The following PVT1 variants were observed in gnomAD, a reference collection of about 807,000 sequenced individuals.
The protein encoded by PVT1 is CXCR4/PVT1 fusion.
At chr8:127,899,100 C>G (rs1373092848) in intron 3 of PVT1, among the ~76,000 whole-genome samples, 1 of 152,172 alleles carries the variant, frequency 6.6e-6, no homozygotes, top group Admixed American at 6.5e-5. Flanking sequence ...CTGGGGGGCC[C>G]CAGAAGCTTC....
At chr8:128,084,783 G>A (rs562856413) in intron 5 of PVT1, among the ~76,000 whole-genome samples, 1 of 152,334 alleles carries the variant, frequency 6.6e-6, no homozygotes, top group South Asian at 2.1e-4. Context: ...TGGGAGCAAT[G>A]CTGGACCAGT....
chr8:128,072,535 C>T (rs1814010333), intron 5 of PVT1, among the ~76,000 whole-genome samples: 1 of 152,196 alleles, frequency 6.6e-6, no homozygotes, highest in South Asian at 2.1e-4. Context: ...TATTATGTGT[C>T]TCATCTCAGT....
chr8:127,914,740 T>C (rs1426285364), intron 3 of PVT1, among the ~76,000 whole-genome samples: 1 of 151,958 alleles, frequency 6.6e-6, no homozygotes, highest in Non-Finnish European at 1.5e-5. Context: ...AGCAAAATTA[T>C]ATAGACAGAA....
intron 2 of PVT1, among the ~76,000 whole-genome samples, chr8:127,877,866 C>G (rs1163702891): frequency 2.6e-5 from 4 of 152,118 alleles, no homozygotes; most frequent in Admixed American, 6.5e-5. Flanking sequence ...TTTGAGGCTG[C>G]AGTGAGCCAT....
chr8:127,866,499 C>A (rs1398051425), intron 2 of PVT1, among the ~76,000 whole-genome samples: 1 of 152,144 alleles, frequency 6.6e-6, no homozygotes, highest in East Asian at 1.9e-4. Context: ...CCCTCCCACT[C>A]CCTCTCCTTC....
At chr8:128,040,960 TTTGTGTGCATATGTTTGTGTGTGC>T (rs1813524594) in intron 4 of PVT1, among the ~76,000 whole-genome samples, 1 of 151,476 alleles carries the variant, frequency 6.6e-6, no homozygotes, top group South Asian at 2.1e-4. Flanking sequence ...CTTGGGTGTG[TTTGTGTGCATATGTTTGTGTGTGC>T]TTGTGTGTGT....
intron 3 of PVT1, among the ~76,000 whole-genome samples, chr8:127,970,659 G>A (rs1398353530): frequency 6.6e-6 from 1 of 152,024 alleles, no homozygotes; most frequent in African/African-American, 2.4e-5. Flanking sequence ...CAGGTGCCAG[G>A]GGGAAGACTT....
At chr8:128,015,416 C>T (rs1251113525) in intron 4 of PVT1, among the ~76,000 whole-genome samples, 2 of 152,072 alleles carry the variant, frequency 1.3e-5, no homozygotes, top group African/African-American at 4.8e-5. Flanking sequence ...GTTAGAGTAA[C>T]TCTAGATGAC....
chr8:128,052,565 A>G (rs1296896779), intron 4 of PVT1, among the ~76,000 whole-genome samples: 1 of 152,176 alleles, frequency 6.6e-6, no homozygotes, highest in African/African-American at 2.4e-5. Flanking sequence ...AGGGATAGAC[A>G]CTGGAGACTA....
chr8:127,880,302 T>G (rs1417865386), intron 2 of PVT1, among the ~76,000 whole-genome samples: 1 of 152,172 alleles, frequency 6.6e-6, no homozygotes, highest in Non-Finnish European at 1.5e-5. Flanking sequence ...CAATTCCTTT[T>G]TTCTTTGAGA....
rs144828200 is a variant in PVT1 at position 128,065,043 on chromosome 8, A to C, written n.913-5117A>C. 3.9e-5 allele frequency among the ~76,000 whole-genome samples: 6 copies of C among 152,298 alleles called. No individual in the cohort carries two copies. The East Asian group carries it at 9.6e-4, about 24-fold the overall frequency. ...CAATACCCAGATTTTACTATCAGAG[A>C]AACAGAGGCCTACAGGGGGAAGGAA... is the stretch of plus-strand genomic sequence containing the variant. On this transcript the variant is annotated intron_variant and non_coding_transcript_variant, in intron 4 of 10. Coordinates refer to ENST00000651587, the Ensembl canonical transcript of PVT1.
rs184795505 is a variant in PVT1, at chr8:127,867,508, C to T, written n.373-23081C>T. ...ATGAGCGATGCTTCTGGAGGATGCT[C>T]CGCTGGGGAGGGCTCTGCTGAACCA... On this transcript the variant is annotated intron_variant and non_coding_transcript_variant, in intron 2 of 10. Transcript: ENST00000651587. Among the ~76,000 whole-genome samples the T allele has an allele frequency of 5.4e-3, 827 of 152,322 alleles. 5 individuals carry two copies. The highest frequency in any genetic ancestry group is 0.019 in the African/African-American group (786 of 41,576).
chr8:127,997,191 G>A (rs1330114184), intron 4 of PVT1, among the ~76,000 whole-genome samples: 3 of 151,888 alleles, frequency 2.0e-5, no homozygotes, highest in South Asian at 2.1e-4. Flanking sequence ...ACAGGCATGC[G>A]CCACCACGTC....
At chr8:127,915,474 TG>T (rs1158269959) in intron 3 of PVT1, among the ~76,000 whole-genome samples, 1 of 151,494 alleles carries the variant, frequency 6.6e-6, no homozygotes, top group Non-Finnish European at 1.5e-5. Context: ...TAGCCAGGCG[TG>T]GTGGCACGTG....
chr8:127,937,564 C>T (rs1473264312), intron 3 of PVT1, among the ~76,000 whole-genome samples: 3 of 118,772 alleles, frequency 2.5e-5, no homozygotes, highest in African/African-American at 9.0e-5. Flanking sequence ...CACACACACA[C>T]ACACACACAC....
At chr8:127,856,393 G>A (rs1441178353) in intron 2 of PVT1, among the ~76,000 whole-genome samples, 1 of 151,262 alleles carries the variant, frequency 6.6e-6, no homozygotes, top group East Asian at 1.9e-4. Flanking sequence ...TTGCTCTGGA[G>A]TGCAATGGCA....
At chr8:128,007,337 G>C (rs1357098578) in intron 4 of PVT1, among the ~76,000 whole-genome samples, 1 of 151,888 alleles carries the variant, frequency 6.6e-6, no homozygotes, top group African/African-American at 2.4e-5. Context: ...TATATAAGAT[G>C]TCAAAATTGA....
At chr8:127,995,776 C>G (rs1817097338) in intron 4 of PVT1, among the ~76,000 whole-genome samples, 1 of 152,194 alleles carries the variant, frequency 6.6e-6, no homozygotes, top group African/African-American at 2.4e-5. Flanking sequence ...GTCATTTACT[C>G]TTCACAACCT....
chr8:127,984,875 T>C (rs868152937), intron 3 of PVT1, among the ~76,000 whole-genome samples: 3 of 86,218 alleles, frequency 3.5e-5, no homozygotes, highest in African/African-American at 1.2e-4. Context: ...CTTTCTTTCT[T>C]TCTTTCTTTC....
Sources: gnomAD v4.1 joint callset for allele counts (sites outside exome capture counted in the v4.1 genomes callset) on GRCh38, gnomAD v4.1.1 for gene constraint, MANE v1.5 for transcripts, NCBI Gene and HGNC (gene_info 2026-07-23, HGNC 2026-07-21) for gene names.